DDA1: variants seen among roughly 807,000 people sequenced by gnomAD.
The protein encoded by DDA1 is DET1 and DDB1 associated 1.
A neutral mutation model predicts 18.6 loss-of-function variants in DDA1; 3 were observed. That is an observed-to-expected ratio of 0.16 (90% CI 0.07 to 0.42). The LOEUF (loss-of-function observed/expected upper bound fraction) is 0.42, where lower values mean the gene tolerates loss of function less well. Ranked by LOEUF, DDA1 falls within the 10% of genes least tolerant of loss-of-function variation. The pLI, the probability that DDA1 is intolerant of heterozygous loss-of-function variation, is 0.99. For synonymous variants in DDA1, 52 were observed against 54.0 expected (o/e 0.96, Z 0.17); for missense variants, 105 against 138.2 (o/e 0.76, Z 1.20).
In DDA1 at chr19:17,309,576, G is replaced by A; in HGVS notation, c.-79G>A. 1 of 1,452,746 alleles carries A rather than the reference G, an allele frequency of 6.9e-7. No individual in the cohort carries two copies. The highest frequency in any genetic ancestry group is 1.4e-5 in the African/African-American group (1 of 71,964). 90.0% of individuals were successfully genotyped at this position (1,452,746 alleles called of 1,614,324 possible). On this transcript the variant is annotated 5_prime_UTR_variant, in exon 1 of 5. Transcript: ENST00000359866. ...TGCCGTGGCTGGAAGTTACTGTGAG[G>A]CGGCGGCTAAGAAGGCGGCTCTGGT...
Position 17,320,947 on chromosome 19 carries a change from G to T in DDA1, c.*1291G>T, listed in dbSNP as rs1335307083. Reference sequence around the variant, plus strand: ...TCTCCCCTTATTGCCCCCACTGGTGGTGGTGGGGATCTCAGTTTTCTTTTG... The same window carrying T: ...TCTCCCCTTATTGCCCCCACTGGTGTTGGTGGGGATCTCAGTTTTCTTTTG... On this transcript the variant is annotated 3_prime_UTR_variant, in exon 5 of 5. Transcript: ENST00000359866. 6.6e-6 allele frequency: 1 copy of T among 152,358 alleles called. No individual in the cohort carries two copies. Among genetic ancestry groups the T allele is most frequent in the African/African-American group, 2.4e-5 (1 of 41,440 alleles). 9.4% of individuals were successfully genotyped at this position (152,358 alleles called of 1,614,324 possible). A position where few individuals can be genotyped will look rare whatever the true frequency, so the allele number is the denominator to read the frequency against.
In DDA1 at chr19:17,319,699, G is replaced by A. The variant is rs771953276; in HGVS notation, c.*43G>A. 2.5e-5 allele frequency: 38 copies of A among 1,529,354 alleles called. No individual in the cohort carries two copies. The highest frequency in any genetic ancestry group is 6.0e-5 in the South Asian group (5 of 83,206). The allele number at this position is 1,529,354 out of a possible 1,614,324, so 94.7% of individuals were successfully genotyped here. A position where few individuals can be genotyped will look rare whatever the true frequency, so the allele number is the denominator to read the frequency against. Reference sequence around the variant, plus strand: ...GCGCCTCCTGCCAGGTCTGCTCCTCGGTCGCCCACCCGCCTGCCCGCCATG... The same window carrying A: ...GCGCCTCCTGCCAGGTCTGCTCCTCAGTCGCCCACCCGCCTGCCCGCCATG... On this transcript the variant is annotated 3_prime_UTR_variant, in exon 5 of 5. Transcript: ENST00000359866.
At chr19:17,318,467 G>A (rs937712713) in intron 4 of DDA1, among the ~76,000 whole-genome samples, 4 of 152,116 alleles carry the variant, frequency 2.6e-5, no homozygotes, top group Admixed American at 1.3e-4. Context: ...CCGACCTCAG[G>A]TGATCCACCC....
chr19:17,315,661 C>T (rs2074209541), intron 3 of DDA1: 2 of 517,324 alleles, frequency 3.9e-6, no homozygotes, highest in Admixed American at 3.3e-5. Flanking sequence ...CCTAGTCAGC[C>T]TGGGAGAAAC....
chr19:17,320,714 G>A lies in DDA1; in HGVS notation c.*1058G>A, dbSNP rs527597771. The A allele has an allele frequency of 6.6e-6, 1 of 152,486 alleles. No individual in the cohort carries two copies. Among genetic ancestry groups the A allele is most frequent in the Non-Finnish European group, 1.5e-5 (1 of 68,226 alleles). The allele number at this position is 152,486 out of a possible 1,614,324, so 9.4% of individuals were successfully genotyped here. ...CATCTGGCCGGTCTTGCTGTCCTAG[G>A]TGGTGGCCTCACCCTTGCTGGGTCA... On this transcript the variant is annotated 3_prime_UTR_variant, in exon 5 of 5. Coordinates refer to ENST00000359866, the MANE Select transcript of DDA1 (RefSeq NM_024050.6).
intron 1 of DDA1, among the ~76,000 whole-genome samples, chr19:17,310,773 A>G (rs938727440): frequency 7.0e-6 from 1 of 143,228 alleles, no homozygotes; most frequent in African/African-American, 2.5e-5. Context: ...CCTACAGCCA[A>G]TCATAAGTGG....
At chr19:17,317,236 G>A (rs7259941) in intron 4 of DDA1, among the ~76,000 whole-genome samples, 12,136 of 151,870 alleles carry the variant, frequency 0.08, 616 homozygotes, top group East Asian at 0.15. Context: ...TATACCGGGC[G>A]CGGTGGCTCA....
Position 17,321,913 on chromosome 19 carries a change from T to C in DDA1, c.*2257T>C, listed in dbSNP as rs1351108829. The C allele has an allele frequency of 6.5e-6, 1 of 152,736 alleles. No homozygotes were observed. The highest frequency in any genetic ancestry group is 1.5e-5 in the Non-Finnish European group (1 of 68,438). The allele number at this position is 152,736 out of a possible 1,614,324, so 9.5% of individuals were successfully genotyped here. ...GAAATGCACACTTGACTGCGGTCGA[T>C]GGTGCCGGGTCCGGCTGAATGCCCT... On this transcript the variant is annotated 3_prime_UTR_variant, in exon 5 of 5. Transcript: ENST00000359866.
chr19:17,318,902 C>T (rs953658181), intron 4 of DDA1, among the ~76,000 whole-genome samples: 1 of 151,638 alleles, frequency 6.6e-6, no homozygotes, highest in African/African-American at 2.4e-5. Context: ...GTTGGAAGGT[C>T]GGGGGACTGT....
intron 3 of DDA1, among the ~76,000 whole-genome samples, chr19:17,315,196 TGTATAC>T (rs1568353711): frequency 1.9e-4 from 4 of 20,976 alleles, no homozygotes; most frequent in Admixed American, 5.6e-4. Context: ...TACACACACG[TGTATAC>T]ACACGTGTAT....
intron 4 of DDA1, among the ~76,000 whole-genome samples, chr19:17,317,772 G>C (rs2074220978): frequency 6.6e-6 from 1 of 150,994 alleles, no homozygotes; most frequent in South Asian, 2.1e-4. Context: ...CCAGGAGGTT[G>C]AGGCTGCAGT....
At chr19:17,315,710 A>C in intron 3 of DDA1, 7 of 620,552 alleles carry the variant, frequency 1.1e-5, no homozygotes, top group Admixed American at 2.6e-5. Context: ...TTGGTCCCCC[A>C]CCAAGGGTGG....
intron 4 of DDA1, among the ~76,000 whole-genome samples, chr19:17,318,952 C>T (rs1483506608): frequency 1.3e-5 from 2 of 151,956 alleles, no homozygotes; most frequent in Non-Finnish European, 2.9e-5. Flanking sequence ...AGCTGCTGGG[C>T]CCACCCCCAC....
In DDA1 at chr19:17,314,775, G is replaced by A. The variant is rs889355107; in HGVS notation, c.136+386G>A. ...CTCCCTGTCAGATGAGGTCAAGCGA[G>A]AACTCTGGTTCTAAGACAAGTGCTA... is the stretch of plus-strand genomic sequence containing the variant. On this transcript the variant is annotated intron_variant, in intron 3 of 4. Transcript: ENST00000359866. The surrounding 1 kb of genome is among the most constrained non-coding windows in gnomAD (Gnocchi z 4.6). 26 of 263,178 alleles carry A rather than the reference G, an allele frequency of 9.9e-5. No individual in the cohort carries two copies. The South Asian group carries it at 1.1e-3, about 11-fold the overall frequency. The allele number at this position is 263,178 out of a possible 1,614,324, so 16.3% of individuals were successfully genotyped here.
rs769984314 is a variant in DDA1, at chr19:17,319,677, C to A, written c.*21C>A. 6.4e-7 allele frequency: 1 copy of A among 1,550,420 alleles called. No homozygotes were observed. The highest frequency in any genetic ancestry group is 8.7e-7 in the Non-Finnish European group (1 of 1,145,840). On this transcript the variant is annotated 3_prime_UTR_variant, in exon 5 of 5. Coordinates refer to ENST00000359866, the MANE Select transcript of DDA1 (RefSeq NM_024050.6). ...CTTAAGACTCTCAACTCCACAGGCGCCTCCTGCCAGGTCTGCTCCTCGGTC... is the reference window on the plus strand; with the variant it reads ...CTTAAGACTCTCAACTCCACAGGCGACTCCTGCCAGGTCTGCTCCTCGGTC...
At chr19:17,315,335 G>GTATATATATACACGCTATATATATACGC (rs2074205616) in intron 3 of DDA1, among the ~76,000 whole-genome samples, 1 of 40,364 alleles carries the variant, frequency 2.5e-5, no homozygotes, top group African/African-American at 1.0e-4. Context: ...ATATACACAC[G>GTATATATATACACGCTATATATATACGC]TATATATATA....
At chr19:17,315,350 C>CTATATATATACGCTATATATATACACACG in intron 3 of DDA1, among the ~76,000 whole-genome samples, 1 of 56,468 alleles carries the variant, frequency 1.8e-5, no homozygotes, top group Admixed American at 1.6e-4. Flanking sequence ...TATATACACG[C>CTATATATATACGCTATATATATACACACG]TATATATATA....
intron 3 of DDA1, among the ~76,000 whole-genome samples, chr19:17,315,452 A>ATATATATATATG (rs1206177824): frequency 1.4e-5 from 2 of 140,776 alleles, no homozygotes; most frequent in African/African-American, 2.7e-5. Flanking sequence ...ATATATATAT[A>ATATATATATATG]TATTAGCCGG....
Position 17,321,112 on chromosome 19 carries a change from C to T in DDA1, c.*1456C>T, listed in dbSNP as rs1267808738. On this transcript the variant is annotated 3_prime_UTR_variant, in exon 5 of 5. Transcript: ENST00000359866. The stretch of plus-strand genomic sequence containing the variant: ...CCTTCCAAGCCGCTGGGACCACAGG[C>T]ACCCACCACCATGCCTGGCTAATTT... 1.3e-5 allele frequency: 2 copies of T among 151,572 alleles called. No homozygotes were observed. The highest frequency in any genetic ancestry group is 4.9e-5 in the African/African-American group (2 of 41,168). The allele number at this position is 151,572 out of a possible 1,614,324, so 9.4% of individuals were successfully genotyped here.
Sources: gnomAD v4.1 joint callset for allele counts (sites outside exome capture counted in the v4.1 genomes callset) on GRCh38, gnomAD v4.1.1 for gene constraint, Gnocchi (gnomAD v3.1) non-coding constraint, MANE v1.5 for transcripts, NCBI Gene and HGNC (gene_info 2026-07-23, HGNC 2026-07-21) for gene names.